MMP26: variants seen among roughly 807,000 people sequenced by gnomAD.
MMP26 encodes the protein matrix metalloproteinase-26.
Under a neutral mutation model 31.0 loss-of-function variants are expected in MMP26, and 33 were observed. That is an observed-to-expected ratio of 1.06 (90% CI 0.81 to 1.42). The LOEUF (loss-of-function observed/expected upper bound fraction) is 1.42, where lower values mean the gene tolerates loss of function less well. Ranked by LOEUF, MMP26 falls within the 40% of genes most tolerant of loss-of-function variation. The pLI is 0.00. For missense variants in MMP26, 347 were observed against 316.1 expected, an observed-to-expected ratio of 1.10 and a Z score of -0.74; for synonymous variants, 122 against 114.9, an observed-to-expected ratio of 1.06 and a Z score of -0.40.
At chr11:4,936,338 C>T (rs372084668) in intron 2 of MMP26, among the ~76,000 whole-genome samples, 2,761 of 151,838 alleles carry the variant, frequency 0.018, 34 homozygotes, top group Middle Eastern at 0.038. Context: ...TTATCCATTT[C>T]TTCTAGATTT....
intron 1 of MMP26, among the ~76,000 whole-genome samples, chr11:4,763,607 C>T (rs1040310573): frequency 6.6e-6 from 1 of 152,050 alleles, no homozygotes; most frequent in Non-Finnish European, 1.5e-5. Context: ...GAGTACATGC[C>T]CTTCAACAGC....
intron 2 of MMP26, among the ~76,000 whole-genome samples, chr11:4,960,857 C>T (rs2059545162): frequency 2.6e-5 from 4 of 151,954 alleles, no homozygotes; most frequent in Admixed American, 2.6e-4. Context: ...CATATTTTTG[C>T]AAGCATAAAT....
In MMP26 at chr11:4,789,530, C is replaced by CTTTTTTTTTTTTTTTT. The variant is rs71050429; in HGVS notation, c.-145+22203_-145+22218dup. ...TCCTGAAGGTAAAGATATCCCCCCA[C>CTTTTTTTTTTTTTTTT]TTTTTTTTTTTTTTTTTTTTTTTTT... is the stretch of plus-strand genomic sequence containing the variant. On this transcript the variant is annotated intron_variant, in intron 2 of 7. Coordinates refer to ENST00000380390, the MANE Select transcript of MMP26 (RefSeq NM_021801.5). Among the ~76,000 whole-genome samples, 39 of 65,966 alleles carry CTTTTTTTTTTTTTTTT rather than the reference C, an allele frequency of 5.9e-4. 6 individuals carry two copies. Among genetic ancestry groups the CTTTTTTTTTTTTTTTT allele is most frequent in the African/African-American group, 1.9e-3 (36 of 18,640 alleles). 43.3% of individuals were successfully genotyped at this position (65,966 alleles called of 152,430 possible). A position where few individuals can be genotyped will look rare whatever the true frequency, so the allele number is the denominator to read the frequency against.
At chr11:4,944,306 CT>C (rs1846261420) in intron 2 of MMP26, 1 of 174,584 alleles carries the variant, frequency 5.7e-6, no homozygotes, top group South Asian at 1.1e-4. Flanking sequence ...CAGCTTTTGA[CT>C]TCCTCTCTGT....
At chr11:4,744,439 C>A (rs972738792) in intron 1 of MMP26, among the ~76,000 whole-genome samples, 5 of 152,154 alleles carry the variant, frequency 3.3e-5, no homozygotes, top group African/African-American at 1.2e-4. Flanking sequence ...TCTCTTCCTG[C>A]AAAATGAGTC....
At chr11:4,822,673 C>T (rs1158992359) in intron 2 of MMP26, among the ~76,000 whole-genome samples, 1 of 152,184 alleles carries the variant, frequency 6.6e-6, no homozygotes, top group Non-Finnish European at 1.5e-5. Context: ...TAAAAGTTCA[C>T]ATTTAATGTG....
rs374676561 is a variant in MMP26, at chr11:4,907,021, G to A, written c.-144-81047G>A. ...TGAGGCAGGAGAATCACTTGATCGCGGGAGGTGGAGGTTGCAGCAAGCTGA... is the reference window on the plus strand; with the variant it reads ...TGAGGCAGGAGAATCACTTGATCGCAGGAGGTGGAGGTTGCAGCAAGCTGA... On this transcript the variant is annotated intron_variant, in intron 2 of 7. Coordinates refer to ENST00000380390, the MANE Select transcript of MMP26 (RefSeq NM_021801.5). Among the ~76,000 whole-genome samples the A allele has an allele frequency of 3.3e-4, 48 of 144,848 alleles. No individual in the cohort carries two copies. In the South Asian group the frequency reaches 6.5e-3, roughly 20 times the overall value.
intron 1 of MMP26, among the ~76,000 whole-genome samples, chr11:4,753,137 G>A (rs1042594444): frequency 2.6e-5 from 4 of 152,136 alleles, no homozygotes; most frequent in African/African-American, 7.2e-5. Context: ...CCGTGTAACC[G>A]TGCCCAAGAT....
intron 2 of MMP26, chr11:4,915,505 G>A: frequency 6.2e-7 from 1 of 1,614,108 alleles, no homozygotes; most frequent in Admixed American, 1.7e-5. Context: ...CTGTTTTAAT[G>A]ATAAAAAGAA....
chr11:4,829,910 A>T (rs1055216967), intron 2 of MMP26, among the ~76,000 whole-genome samples: 13 of 152,178 alleles, frequency 8.5e-5, no homozygotes, highest in Non-Finnish European at 1.5e-4. Context: ...AATGCCTTAG[A>T]GTGACTGTAC....
chr11:4,933,552 TTTTG>T (rs1272175521), intron 2 of MMP26, among the ~76,000 whole-genome samples: 1 of 17,030 alleles, frequency 5.9e-5, no homozygotes, highest in Non-Finnish European at 1.5e-4. Context: ...TGTTTTTGTT[TTTTG>T]TTTGTTTTGT....
chr11:4,878,202 T>C (rs937640471), intron 2 of MMP26: 2 of 152,198 alleles, frequency 1.3e-5, no homozygotes, highest in Non-Finnish European at 2.9e-5. Flanking sequence ...TGTTATTGCA[T>C]GTATTGGTAG....
At chr11:4,959,011 G>A (rs1326247818) in intron 2 of MMP26, among the ~76,000 whole-genome samples, 1 of 152,112 alleles carries the variant, frequency 6.6e-6, no homozygotes, top group Admixed American at 6.5e-5. Flanking sequence ...GGCCGAGGCG[G>A]GCAGATCATG....
At chr11:4,860,349 G>A (rs1162113221) in intron 2 of MMP26, 4 of 471,124 alleles carry the variant, frequency 8.5e-6, no homozygotes, top group East Asian at 1.4e-4. Context: ...AGAGACTAAC[G>A]TCAGTGAGAG....
intron 2 of MMP26, among the ~76,000 whole-genome samples, chr11:4,837,101 C>A (rs1048913687): frequency 1.3e-5 from 2 of 152,008 alleles, no homozygotes; most frequent in Non-Finnish European, 2.9e-5. Flanking sequence ...AGGCATAAAA[C>A]AAAAATGTTT....
chr11:4,992,253 G>C lies in MMP26; in HGVS notation c.*11G>C. The C allele has an allele frequency of 5.0e-6, 8 of 1,607,728 alleles. No individual in the cohort carries two copies. The highest frequency in any genetic ancestry group is 2.2e-5 in the South Asian group (2 of 90,244). ...TCTGACATACCTTAATGTTAGCACA[G>C]AGGACTTATTCAACCTGTCCTTTCA... On this transcript the variant is annotated 3_prime_UTR_variant, in exon 8 of 8. Coordinates refer to ENST00000380390, the MANE Select transcript of MMP26 (RefSeq NM_021801.5).
intron 2 of MMP26, among the ~76,000 whole-genome samples, chr11:4,782,923 G>T (rs916753733): frequency 6.6e-6 from 1 of 152,208 alleles, no homozygotes; most frequent in East Asian, 1.9e-4. Flanking sequence ...TGAGGTTTGA[G>T]AACCTCTGCC....
chr11:4,821,691 A>G (rs1849503386), intron 2 of MMP26: 1 of 1,614,032 alleles, frequency 6.2e-7, no homozygotes, highest in Non-Finnish European at 8.5e-7. Context: ...TCTGGTTTGA[A>G]GCCCGAGAAA....
intron 2 of MMP26, among the ~76,000 whole-genome samples, chr11:4,808,522 C>A (rs759273701): frequency 6.6e-6 from 1 of 151,968 alleles, no homozygotes; most frequent in African/African-American, 2.4e-5. Flanking sequence ...TGCCCATGAG[C>A]CTTAATGGAG....
Sources: allele counts gnomAD v4.1 joint callset (sites outside exome capture counted in the v4.1 genomes callset), GRCh38; gene constraint gnomAD v4.1.1; transcripts MANE v1.5; gene names NCBI Gene and HGNC (gene_info 2026-07-23, HGNC 2026-07-21).